RGMA: variants seen among roughly 807,000 people sequenced by gnomAD.
The protein encoded by RGMA is repulsive guidance molecule A.
RGMA carries 10 observed loss-of-function variants against 23.2 expected under a neutral mutation model. The observed-to-expected ratio is 0.43, with a 90% confidence interval of 0.27 to 0.73. The LOEUF is 0.73. Ranked by LOEUF, RGMA falls within the 30% of genes least tolerant of loss-of-function variation. The pLI, the probability that RGMA is intolerant of heterozygous loss-of-function variation, is 0.20. For synonymous variants in RGMA, 308 were observed against 279.3 expected (o/e 1.10, Z -1.03); for missense variants, 547 against 630.5 (o/e 0.87, Z 1.42).
chr15:93,040,059 A>G lies in RGMA; in HGVS notation c.*4939T>C, dbSNP rs2054706187. The G allele has an allele frequency of 6.6e-6, 1 of 152,106 alleles. No homozygotes were observed. Among genetic ancestry groups the G allele is most frequent in the Non-Finnish European group, 1.5e-5 (1 of 68,024 alleles). The allele number at this position is 152,106 out of a possible 1,614,324, so 9.4% of individuals were successfully genotyped here. ...CCTGTCTCTCCAAAAAAATTTAACA[A>G]TTAGCCGGGTGTGACGGCAGGCACC... is the stretch of plus-strand genomic sequence containing the variant. On this transcript the variant is annotated 3_prime_UTR_variant, in exon 4 of 4. Coordinates refer to ENST00000329082, the MANE Select transcript of RGMA (RefSeq NM_020211.3).
chr15:93,082,402 G>A (rs1280534993), intron 1 of RGMA, among the ~76,000 whole-genome samples: 1 of 152,162 alleles, frequency 6.6e-6, no homozygotes, highest in Non-Finnish European at 1.5e-5. Context: ...ACTATGCCAC[G>A]GGCACAGCCA....
At chr15:93,051,516 G>A (rs2054918292) in intron 3 of RGMA, among the ~76,000 whole-genome samples, 1 of 152,240 alleles carries the variant, frequency 6.6e-6, no homozygotes, top group African/African-American at 2.4e-5. Flanking sequence ...GTAGACAGGA[G>A]TGTCCACTTG....
intron 2 of RGMA, among the ~76,000 whole-genome samples, chr15:93,054,138 G>A (rs369539749): frequency 2.0e-5 from 3 of 149,964 alleles, no homozygotes; most frequent in East Asian, 2.0e-4. Context: ...GCTGTGGCAC[G>A]AGAACTGCTT....
chr15:93,048,284 A>T (rs1567179656), intron 3 of RGMA, among the ~76,000 whole-genome samples: 1 of 152,164 alleles, frequency 6.6e-6, no homozygotes, highest in Non-Finnish European at 1.5e-5. Flanking sequence ...GGGAGACCCT[A>T]GGCCAAGGCT....
Position 93,073,600 on chromosome 15 carries a change from C to G in RGMA, c.15-569G>C. On this transcript the variant is annotated intron_variant, in intron 1 of 3. Transcript: ENST00000329082. ...ACTGCCGACCCCAAGCTTCCACCGA[C>G]GCCCCCTGGCTCATCAGTCGCACTC... 3 of 1,535,926 alleles carry G rather than the reference C, an allele frequency of 2.0e-6. No individual in the cohort carries two copies. In the South Asian group the frequency reaches 3.6e-5, roughly 18 times the overall value.
rs1384208761 is a variant in RGMA at position 93,043,135 on chromosome 15, C to A, written c.*1863G>T. 2 of 152,308 alleles carry A rather than the reference C, an allele frequency of 1.3e-5. No homozygotes were observed. The highest frequency in any genetic ancestry group is 4.1e-4 in the South Asian group (2 of 4,834). 9.4% of individuals were successfully genotyped at this position (152,308 alleles called of 1,614,324 possible). A position where few individuals can be genotyped will look rare whatever the true frequency, so the allele number is the denominator to read the frequency against. On this transcript the variant is annotated 3_prime_UTR_variant, in exon 4 of 4. Coordinates refer to ENST00000329082, the MANE Select transcript of RGMA (RefSeq NM_020211.3). ...GCTGTTAAACTGCTGCATCTTCTAT[C>A]CGCCTTCACACCATTCTCACGCACA... is the stretch of plus-strand genomic sequence containing the variant.
rs1313860308 is a variant in RGMA, at chr15:93,045,133, G to A, written c.1218C>T (p.Ser406=). Residue 406 remains serine, a synonymous_variant, in exon 4 of 4, where the codon TCC becomes TCT. Coordinates refer to ENST00000329082, the MANE Select transcript of RGMA (RefSeq NM_020211.3). The surrounding 1 kb of genome is among the most constrained non-coding windows in gnomAD (Gnocchi z 6.9). ...YALEDVKMLH[S]NKDKLHLYER... ...CATACAGGTGCAGTTTGTCTTTGTT[G>A]GAGTGGAGCATCTTGACATCCTCCA... The A allele has an allele frequency of 3.1e-6, 5 of 1,598,750 alleles. No individual in the cohort carries two copies. The highest frequency in any genetic ancestry group is 1.7e-5 in the Admixed American group (1 of 57,616).
chr15:93,046,055 T>C (rs950663119), intron 3 of RGMA, among the ~76,000 whole-genome samples: 5 of 152,186 alleles, frequency 3.3e-5, no homozygotes, highest in African/African-American at 1.2e-4. Flanking sequence ...GTAGGCTGAA[T>C]AATGGCTCCC....
intron 1 of RGMA, among the ~76,000 whole-genome samples, chr15:93,087,443 G>C (rs78089075): frequency 2.1e-5 from 1 of 47,074 alleles, no homozygotes; most frequent in East Asian, 9.3e-4. Flanking sequence ...GTAACAGCAA[G>C]AAACCCCTTC....
At chr15:93,074,953 A>G (rs1342742591) in intron 1 of RGMA, among the ~76,000 whole-genome samples, 2 of 152,184 alleles carry the variant, frequency 1.3e-5, no homozygotes, top group East Asian at 3.9e-4. Context: ...CTGGACAGTA[A>G]TTAACCACCG....
At position 93,041,781 on chromosome 15, in the gene RGMA, T is replaced by C. The variant is rs893455569; in HGVS notation, c.*3217A>G. ...GCCGCCAGGGAAGATGCTGGGTACGTTTTGTCCTTTCCAGTCTGGTTCCTG... is the reference window on the plus strand; with the variant it reads ...GCCGCCAGGGAAGATGCTGGGTACGCTTTGTCCTTTCCAGTCTGGTTCCTG... On this transcript the variant is annotated 3_prime_UTR_variant, in exon 4 of 4. Transcript: ENST00000329082. 6.6e-6 allele frequency: 1 copy of C among 152,180 alleles called. No individual in the cohort carries two copies. Among genetic ancestry groups the C allele is most frequent in the South Asian group, 2.1e-4 (1 of 4,816 alleles). 9.4% of individuals were successfully genotyped at this position (152,180 alleles called of 1,614,324 possible). A position where few individuals can be genotyped will look rare whatever the true frequency, so the allele number is the denominator to read the frequency against.
chr15:93,038,144 G>T lies in RGMA; in HGVS notation c.*6854C>A, dbSNP rs2054680056. ...GGGAAGGTGGCTAAGGAAAGCTGTT[G>T]ATAGCAGGGTTGGGGGCCTTGGCTG... On this transcript the variant is annotated 3_prime_UTR_variant, in exon 4 of 4. Transcript: ENST00000329082. 1 of 152,282 alleles carries T rather than the reference G, an allele frequency of 6.6e-6. No individual in the cohort carries two copies. The highest frequency in any genetic ancestry group is 1.5e-5 in the Non-Finnish European group (1 of 68,086). 9.4% of individuals were successfully genotyped at this position (152,282 alleles called of 1,614,324 possible). A position where few individuals can be genotyped will look rare whatever the true frequency, so the allele number is the denominator to read the frequency against.
Position 93,045,098 on chromosome 15 carries a change from C to T in RGMA, c.1253G>A (p.Arg418Gln), listed in dbSNP as rs977379834. Residue 418 changes from arginine to glutamine, a missense_variant, in exon 4 of 4, where the codon CGG becomes CAG. By Grantham distance (43) the Arg-to-Gln change is conservative. This residue lies in a region of RGMA where 205 missense variants were observed against 204.1 expected (regional missense o/e 1.00). Transcript: ENST00000329082. This position sits in a 1 kb window ranked among gnomAD's most constrained non-coding sequence, Gnocchi z 6.9. Reference sequence around the variant, plus strand: ...CGCAGCCGCCCTGCCTGGCAGGTCCCGAGTCCTCTCATACAGGTGCAGTTT... The same window carrying T: ...CGCAGCCGCCCTGCCTGGCAGGTCCTGAGTCCTCTCATACAGGTGCAGTTT... ...KDKLHLYERT[R>Q]DLPGRAAAGL... is the part of the protein sequence containing the mutation. 13 of 1,582,726 alleles carry T rather than the reference C, an allele frequency of 8.2e-6. No homozygotes were observed. The highest frequency in any genetic ancestry group is 1.3e-5 in the African/African-American group (1 of 74,256).
intron 1 of RGMA, 66 bp downstream of exon 1, chr15:93,088,853 G>T: frequency 1.4e-6 from 2 of 1,407,330 alleles, no homozygotes; most frequent in African/African-American, 1.5e-5. Context: ...CCGTGGCCCC[G>T]GCATGTGTCG....
chr15:93,055,397 G>C (rs1310866260), intron 2 of RGMA, among the ~76,000 whole-genome samples: 3 of 152,162 alleles, frequency 2.0e-5, no homozygotes, highest in African/African-American at 7.2e-5. Flanking sequence ...TCCCAGGTCC[G>C]GTGCTGCAGG....
In RGMA at chr15:93,088,223, C is replaced by T; in HGVS notation, c.14+696G>A. The T allele has an allele frequency of 6.9e-6, 6 of 863,736 alleles. No homozygotes were observed. In the South Asian group the frequency reaches 3.2e-4, roughly 46 times the overall value. The allele number at this position is 863,736 out of a possible 1,614,324, so 53.5% of individuals were successfully genotyped here. A position where few individuals can be genotyped will look rare whatever the true frequency, so the allele number is the denominator to read the frequency against. On this transcript the variant is annotated intron_variant, in intron 1 of 3. Coordinates refer to ENST00000329082, the MANE Select transcript of RGMA (RefSeq NM_020211.3). The stretch of plus-strand genomic sequence containing the variant: ...GACGCAATCCCGAATTGCACCCGAG[C>T]GTCCCCCACACCCGCCCTCCCATTG...
intron 3 of RGMA, among the ~76,000 whole-genome samples, chr15:93,049,931 C>G (rs75813039): frequency 0.035 from 5,334 of 152,308 alleles, 291 homozygotes; most frequent in African/African-American, 0.12. Flanking sequence ...GAGGCCTCAT[C>G]ATCTTGGAGA....
At chr15:93,081,739 T>C (rs1454016675) in intron 1 of RGMA, among the ~76,000 whole-genome samples, 1 of 152,222 alleles carries the variant, frequency 6.6e-6, no homozygotes, top group Non-Finnish European at 1.5e-5. Context: ...CATTTAGCAA[T>C]AAGAACAGAT....
intron 2 of RGMA, chr15:93,065,850 C>A: frequency 1.3e-6 from 1 of 754,924 alleles, no homozygotes; most frequent in East Asian, 2.8e-5. Context: ...TGTTGCTGCC[C>A]CTCCAATGGG....
Sources: allele counts gnomAD v4.1 joint callset (sites outside exome capture counted in the v4.1 genomes callset), GRCh38; gene constraint gnomAD v4.1.1; regional missense constraint gnomAD v4.1.1; non-coding constraint Gnocchi (gnomAD v3.1); transcripts MANE v1.5; gene names NCBI Gene and HGNC (gene_info 2026-07-23, HGNC 2026-07-21).